The following CSMD1 variants were observed in gnomAD, a reference collection of about 807,000 sequenced individuals.
The protein encoded by CSMD1 is CUB and sushi domain-containing protein 1.
Under a neutral mutation model 417.5 loss-of-function variants are expected in CSMD1, and 213 were observed. That is an observed-to-expected ratio of 0.51 (90% CI 0.46 to 0.57). CSMD1 has a LOEUF of 0.57. Ranked by LOEUF, CSMD1 falls within the 20% of genes least tolerant of loss-of-function variation. The pLI is 0.00. For synonymous variants in CSMD1, 2,862 were observed against 1,736.8 expected, an observed-to-expected ratio of 1.65 and a Z score of -16.11; for missense variants, 6,923 against 4,529.7, an observed-to-expected ratio of 1.53 and a Z score of -15.17.
intron 37 of CSMD1, among the ~76,000 whole-genome samples, chr8:3,167,063 G>A (rs756725633): frequency 6.6e-6 from 1 of 152,152 alleles, no homozygotes; most frequent in Non-Finnish European, 1.5e-5. Flanking sequence ...AAGGCAGGTG[G>A]ATCACAAGGT....
intron 3 of CSMD1, among the ~76,000 whole-genome samples, chr8:4,255,335 T>A (rs1803379156): frequency 1.3e-5 from 2 of 152,198 alleles, no homozygotes; most frequent in African/African-American, 4.8e-5. Context: ...TGTTAATATC[T>A]GCAGTCATTG....
At chr8:4,366,330 T>C (rs779176622) in intron 3 of CSMD1, among the ~76,000 whole-genome samples, 13 of 152,176 alleles carry the variant, frequency 8.5e-5, no homozygotes, top group Non-Finnish European at 8.8e-5. Flanking sequence ...CAGTTCACCA[T>C]TGGTGAACAT....
chr8:3,818,524 G>A (rs1050966175), intron 5 of CSMD1, among the ~76,000 whole-genome samples: 1 of 152,070 alleles, frequency 6.6e-6, no homozygotes, highest in African/African-American at 2.4e-5. Flanking sequence ...ATTAGACCAG[G>A]GTAGGCTTAC....
chr8:4,557,436 T>C (rs1448038322), intron 2 of CSMD1, among the ~76,000 whole-genome samples: 1 of 152,172 alleles, frequency 6.6e-6, no homozygotes, highest in Non-Finnish European at 1.5e-5. Context: ...GAGGTTTTTT[T>C]TTTTTGAAAT....
intron 6 of CSMD1, among the ~76,000 whole-genome samples, chr8:3,743,790 C>A (rs942635537): frequency 6.6e-6 from 1 of 152,212 alleles, no homozygotes; most frequent in Non-Finnish European, 1.5e-5. Context: ...TTTATCTTTA[C>A]AGCTGCCGTC....
At chr8:4,612,714 G>A (rs1048362470) in intron 2 of CSMD1, among the ~76,000 whole-genome samples, 5 of 152,140 alleles carry the variant, frequency 3.3e-5, no homozygotes, top group African/African-American at 7.2e-5. Flanking sequence ...AGGGTATGGA[G>A]GCTGGTGGGT....
At chr8:3,245,790 C>G (rs1047288045) in intron 26 of CSMD1, among the ~76,000 whole-genome samples, 1 of 152,160 alleles carries the variant, frequency 6.6e-6, no homozygotes, top group Non-Finnish European at 1.5e-5. Context: ...GTGTTAAGCC[C>G]TCTTGCTAGG....
At chr8:3,742,480 A>C (rs1470858059) in intron 6 of CSMD1, among the ~76,000 whole-genome samples, 1 of 152,240 alleles carries the variant, frequency 6.6e-6, no homozygotes, top group Non-Finnish European at 1.5e-5. Context: ...TCTATGATTT[A>C]TACATTTTTA....
At chr8:4,151,385 G>T (rs1037547414) in intron 3 of CSMD1, among the ~76,000 whole-genome samples, 1 of 152,138 alleles carries the variant, frequency 6.6e-6, no homozygotes, top group Non-Finnish European at 1.5e-5. Flanking sequence ...TCTAGATCCT[G>T]CTGACCAAGA....
At chr8:3,603,383 G>C (rs1013105277) in intron 8 of CSMD1, among the ~76,000 whole-genome samples, 2 of 152,084 alleles carry the variant, frequency 1.3e-5, no homozygotes, top group Non-Finnish European at 2.9e-5. Flanking sequence ...GGCGCGGCAG[G>C]CTCAAATACA....
At chr8:3,180,274 T>C (rs1033094279) in intron 37 of CSMD1, among the ~76,000 whole-genome samples, 3 of 152,320 alleles carry the variant, frequency 2.0e-5, no homozygotes, top group African/African-American at 4.8e-5. Flanking sequence ...CTGTCTCACA[T>C]CCATCTTTAA....
chr8:3,478,760 A>G (rs1036109435), intron 11 of CSMD1, among the ~76,000 whole-genome samples: 1 of 152,202 alleles, frequency 6.6e-6, no homozygotes, highest in Non-Finnish European at 1.5e-5. Flanking sequence ...ACAAACATCC[A>G]AGGAAGTCTT....
At chr8:4,490,879 C>T (rs1049499880) in intron 2 of CSMD1, among the ~76,000 whole-genome samples, 2 of 152,188 alleles carry the variant, frequency 1.3e-5, no homozygotes, top group African/African-American at 2.4e-5. Flanking sequence ...ATTTAATACA[C>T]ACAAAGCACA....
intron 3 of CSMD1, among the ~76,000 whole-genome samples, chr8:4,213,427 A>G (rs1403261338): frequency 6.6e-6 from 1 of 152,146 alleles, no homozygotes; most frequent in Non-Finnish European, 1.5e-5. Context: ...TGCTTATGGT[A>G]ATAGCTAATA....
chr8:3,585,388 C>G (rs1800557849), intron 9 of CSMD1, among the ~76,000 whole-genome samples: 1 of 151,956 alleles, frequency 6.6e-6, no homozygotes, highest in African/African-American at 2.4e-5. Context: ...GCTTTTTCTC[C>G]CAAAACTACC....
intron 26 of CSMD1, among the ~76,000 whole-genome samples, chr8:3,257,615 T>C (rs967821794): frequency 3.9e-5 from 6 of 152,070 alleles, no homozygotes; most frequent in Non-Finnish European, 8.8e-5. Context: ...TGACACATAT[T>C]TTAAGATAGA....
At chr8:4,124,910 A>C (rs1802677077) in intron 3 of CSMD1, among the ~76,000 whole-genome samples, 1 of 152,224 alleles carries the variant, frequency 6.6e-6, no homozygotes, top group Non-Finnish European at 1.5e-5. Flanking sequence ...AGATATAAGC[A>C]TAAGACACCC....
At chr8:3,151,912 C>T (rs2129035986) in intron 39 of CSMD1, among the ~76,000 whole-genome samples, 1 of 152,204 alleles carries the variant, frequency 6.6e-6, no homozygotes, top group East Asian at 1.9e-4. Context: ...TAGATAAATA[C>T]ATTGCATAGA....
rs538990119 is a variant in CSMD1 at position 4,678,955 on chromosome 8, C to T, written c.86-41397G>A. On this transcript the variant is annotated intron_variant, in intron 1 of 69. Coordinates refer to ENST00000635120, the MANE Select transcript of CSMD1 (RefSeq NM_033225.6). Reference sequence around the variant, plus strand: ...ACATAAACCAAACCAGCCAACCTTACCAGCTATGCTAAGAGTTGTGTGCTG... The same window carrying T: ...ACATAAACCAAACCAGCCAACCTTATCAGCTATGCTAAGAGTTGTGTGCTG... Among the ~76,000 whole-genome samples, 94 of 152,288 alleles carry T rather than the reference C, an allele frequency of 6.2e-4. 2 individuals carry two copies. The highest frequency in any genetic ancestry group is 3.1e-3 in the South Asian group (15 of 4,818).
Sources: gnomAD v4.1 joint callset for allele counts (sites outside exome capture counted in the v4.1 genomes callset) on GRCh38, gnomAD v4.1.1 for gene constraint, MANE v1.5 for transcripts, NCBI Gene and HGNC (gene_info 2026-07-23, HGNC 2026-07-21) for gene names.